Variants in SUN3 observed in about 807,000 individuals in gnomAD.
The protein encoded by SUN3 is Sad1 and UNC84 domain containing 3, also known as SUN domain-containing protein 3.
Under a neutral mutation model 48.2 loss-of-function variants are expected in SUN3, and 36 were observed. The observed-to-expected ratio is 0.75, with a 90% CI of 0.57 to 0.99. SUN3 has a LOEUF of 0.99. Among genes scored for constraint, SUN3 ranks in the 50% least tolerant of loss-of-function variants. The probability of loss-of-function intolerance (pLI) is 0.00; values close to 1 mark genes in which losing one functional copy is unlikely to be tolerated. For missense variants in SUN3, 419 were observed against 433.1 expected, an observed-to-expected ratio of 0.97 and a Z score of 0.29; for synonymous variants, 148 against 147.9, an observed-to-expected ratio of 1.00 and a Z score of 0.00.
At chr7:47,988,570 T>C (rs1788962979) in intron 9 of SUN3, among the ~76,000 whole-genome samples, 1 of 152,244 alleles carries the variant, frequency 6.6e-6, no homozygotes, top group African/African-American at 2.4e-5. Context: ...TGATAGCAGA[T>C]GAGGAAGAAT....
Position 48,006,061 on chromosome 7 carries a change from A to T in SUN3, c.493-8T>A, listed in dbSNP as rs780812056. The T allele has an allele frequency of 2.6e-6, 4 of 1,560,342 alleles. No homozygotes were observed. The South Asian group carries it at 4.6e-5, about 18-fold the overall frequency. The stretch of plus-strand genomic sequence containing the variant: ...GACCAAGTTTGACACTTCCTGTAGA[A>T]ATTTTATAAACAGTTTTCTGTTAAC... On this transcript the variant is annotated splice_region_variant and splice_polypyrimidine_tract_variant and intron_variant, in intron 5 of 9. Transcript: ENST00000297325.
intron 2 of SUN3, among the ~76,000 whole-genome samples, chr7:48,017,636 A>C (rs1256917628): frequency 1.3e-5 from 2 of 152,172 alleles, no homozygotes; most frequent in East Asian, 3.8e-4. Flanking sequence ...ATAACTAAGG[A>C]TAGGGTGGCT....
chr7:48,002,664 T>A (rs1242750471), intron 6 of SUN3, among the ~76,000 whole-genome samples: 1 of 152,228 alleles, frequency 6.6e-6, no homozygotes, highest in Non-Finnish European at 1.5e-5. Context: ...AAAAATTCCC[T>A]TCCATTCTGT....
intron 6 of SUN3, among the ~76,000 whole-genome samples, chr7:47,999,308 A>C (rs1267450193): frequency 6.6e-6 from 1 of 152,112 alleles, no homozygotes; most frequent in African/African-American, 2.4e-5. Context: ...AGTATATAGA[A>C]ATTGTATATA....
At chr7:48,032,243 G>A (rs1758750480), upstream of SUN3, among the ~76,000 whole-genome samples, 1 of 152,118 alleles carries the variant, frequency 6.6e-6, no homozygotes, top group African/African-American at 2.4e-5. Flanking sequence ...ATGTATTGAG[G>A]GAGTAGATAG....
Position 48,028,948 on chromosome 7 carries a change from C to T in SUN3, c.-10G>A. ...TTGTTTTTCCACTCATGATCCCCTA[C>T]CAAAGAACAAACAGCTGGTAGGATG... On this transcript the variant is annotated 5_prime_UTR_variant, in exon 1 of 10. Transcript: ENST00000297325. 1 of 1,613,704 alleles carries T rather than the reference C, an allele frequency of 6.2e-7. No individual in the cohort carries two copies. The highest frequency in any genetic ancestry group is 8.5e-7 in the Non-Finnish European group (1 of 1,179,754).
chr7:48,028,700 C>T, intron 1 of SUN3, 117 bp downstream of exon 1: 15 of 1,353,854 alleles, frequency 1.1e-5, no homozygotes, highest in South Asian at 2.8e-5. Flanking sequence ...AAATGATTTT[C>T]TCTATAAAGG....
chr7:48,017,232 G>T (rs1202424185), intron 3 of SUN3, 30 bp downstream of exon 3: 3 of 1,202,630 alleles, frequency 2.5e-6, no homozygotes, highest in South Asian at 1.3e-5. Context: ...TTAAATGAGT[G>T]ATATACAAAA....
rs1434918942 is a variant in SUN3 at position 48,028,824 on chromosome 7, C to T, written c.115G>A (p.Ala39Thr). The T allele has an allele frequency of 3.7e-6, 6 of 1,613,794 alleles. No individual in the cohort carries two copies. The highest frequency in any genetic ancestry group is 3.3e-5 in the South Asian group (3 of 91,070). Residue 39 changes from alanine (A) to threonine (T), a missense_variant, in exon 1 of 10, where the codon GCG (alanine) becomes ACG (threonine). Ala to Thr is a moderately conservative substitution (Grantham distance 58). Coordinates refer to ENST00000297325, the MANE Select transcript of SUN3 (RefSeq NM_001030019.2). ...TCTGCCATGTTTACCTACCCATTCG[C>T]ATCAGGATTTTCGTCCTCTGATAAC... is the stretch of plus-strand genomic sequence containing the variant. ...ALLSEDENPD[A>T]NGVTRSWKII...
At chr7:48,004,853 C>T (rs1030958243) in intron 6 of SUN3, among the ~76,000 whole-genome samples, 4 of 152,218 alleles carry the variant, frequency 2.6e-5, no homozygotes, top group African/African-American at 9.6e-5. Context: ...TACCAACTGC[C>T]TGCTTTGTTT....
intron 2 of SUN3, among the ~76,000 whole-genome samples, chr7:48,022,166 T>C (rs992723173): frequency 3.3e-5 from 5 of 152,106 alleles, no homozygotes; most frequent in African/African-American, 1.2e-4. Flanking sequence ...AAGCCATTCA[T>C]AGAAAGACAA....
At chr7:47,991,207 C>T (rs779009335) in intron 8 of SUN3, among the ~76,000 whole-genome samples, 9 of 152,124 alleles carry the variant, frequency 5.9e-5, no homozygotes, top group Admixed American at 1.3e-4. Flanking sequence ...GCAGATACTG[C>T]GCCCAGTCCT....
Position 48,028,984 on chromosome 7 carries a change from T to C in SUN3, c.-46A>G, listed in dbSNP as rs189445145. ...ACAGCTGGTAGGATGAAGAGCAACATTTGTCCTCATTCCTATTTTATGAAA... is the reference window on the plus strand; with the variant it reads ...ACAGCTGGTAGGATGAAGAGCAACACTTGTCCTCATTCCTATTTTATGAAA... On this transcript the variant is annotated 5_prime_UTR_variant, in exon 1 of 10. It removes an upstream start codon present in the reference 5' UTR. Coordinates refer to ENST00000297325, the MANE Select transcript of SUN3 (RefSeq NM_001030019.2). The C allele has an allele frequency of 4.8e-5, 78 of 1,611,162 alleles. No individual in the cohort carries two copies. In the East Asian group the frequency reaches 1.2e-3, roughly 24 times the overall value.
In SUN3 at chr7:47,987,539, C is replaced by T. The variant is rs1415533514; in HGVS notation, c.955-90G>A. The T allele has an allele frequency of 3.7e-6, 4 of 1,070,248 alleles. No homozygotes were observed. In the African/African-American group the frequency reaches 6.7e-5, roughly 18 times the overall value. 66.3% of individuals were successfully genotyped at this position (1,070,248 alleles called of 1,614,324 possible). On this transcript the variant is annotated intron_variant, in intron 9 of 9. Coordinates refer to ENST00000297325, the MANE Select transcript of SUN3 (RefSeq NM_001030019.2). Reference sequence around the variant, plus strand: ...TACTGATATAATTTTAAATTATATACTTTTTTTTTTTCGAGATAGGATCTG... The same window carrying T: ...TACTGATATAATTTTAAATTATATATTTTTTTTTTTTCGAGATAGGATCTG...
chr7:47,988,175 TCTCA>T (rs1382083387), intron 9 of SUN3, among the ~76,000 whole-genome samples: 2 of 152,220 alleles, frequency 1.3e-5, no homozygotes, highest in African/African-American at 4.8e-5. Flanking sequence ...ACCTTTATTT[TCTCA>T]CTATTTGGCC....
Position 48,028,894 on chromosome 7 carries a change from T to A in SUN3, c.45A>T (p.Arg15Ser). ...TACCGCTGGCGTCTTCAGAGCAACG[T>A]CTAAAAAACATGGCAGCCCTTCTTG... ...TKARRAAMFFRRCSEDASGSA... is the reference protein window; with the variant it reads ...TKARRAAMFFSRCSEDASGSA... The change falls in exon 1 of 10, where the codon AGA (arginine) becomes AGT (serine). Residue 15 changes from arginine (R) to serine (S), a missense_variant. Transcript: ENST00000297325. 6.2e-7 allele frequency: 1 copy of A among 1,613,978 alleles called. No individual in the cohort carries two copies. The highest frequency in any genetic ancestry group is 8.5e-7 in the Non-Finnish European group (1 of 1,179,864).
At chr7:48,002,149 CTCTTTTT>C (rs1789395518) in intron 6 of SUN3, among the ~76,000 whole-genome samples, 1 of 41,932 alleles carries the variant, frequency 2.4e-5, no homozygotes, top group African/African-American at 1.0e-4. Context: ...ATTTGCATTT[CTCTTTTT>C]TTTTTTTTTT....
At chr7:47,989,379 A>C (rs146747972) in intron 8 of SUN3, among the ~76,000 whole-genome samples, 47 of 152,348 alleles carry the variant, frequency 3.1e-4, no homozygotes, top group African/African-American at 1.1e-3. Flanking sequence ...TCTGAAAAGT[A>C]AGCTCCCGTT....
upstream of SUN3, among the ~76,000 whole-genome samples, chr7:48,033,609 A>G (rs1380567560): frequency 6.6e-6 from 1 of 152,232 alleles, no homozygotes; most frequent in Non-Finnish European, 1.5e-5. Context: ...CTAAGGAATG[A>G]TAACACTTCA....
Sources: allele counts gnomAD v4.1 joint callset (sites outside exome capture counted in the v4.1 genomes callset), GRCh38; gene constraint gnomAD v4.1.1; transcripts MANE v1.5; gene names NCBI Gene and HGNC (gene_info 2026-07-23, HGNC 2026-07-21).